NTM: variants seen among roughly 807,000 people sequenced by gnomAD.
The protein encoded by NTM is IgLON family member 2.
A neutral mutation model predicts 42.1 loss-of-function variants in NTM; 13 were observed. The ratio of observed to expected loss-of-function variants is 0.31; its 90% CI spans 0.20 to 0.49. The LOEUF (loss-of-function observed/expected upper bound fraction) is 0.49, where lower values mean the gene tolerates loss of function less well. Ranked by LOEUF, NTM falls within the 20% of genes least tolerant of loss-of-function variation. The pLI is 0.99. For missense variants in NTM, 373 were observed against 452.8 expected (o/e 0.82, Z 1.60); for synonymous variants, 187 against 179.2 (o/e 1.04, Z -0.35).
chr11:131,953,509 TTA>T (rs1485389582), intron 2 of NTM, among the ~76,000 whole-genome samples: 3 of 152,194 alleles, frequency 2.0e-5, no homozygotes, highest in African/African-American at 4.8e-5. Context: ...AGCATTAAAA[TTA>T]TATTAAAATA....
chr11:131,618,874 C>T (rs1170044851), intron 1 of NTM, among the ~76,000 whole-genome samples: 1 of 152,084 alleles, frequency 6.6e-6, no homozygotes, highest in Non-Finnish European at 1.5e-5. Context: ...TTTACGCCAC[C>T]AATGCAAGAT....
At chr11:131,871,100 C>A (rs2047734032) in intron 1 of NTM, among the ~76,000 whole-genome samples, 1 of 152,186 alleles carries the variant, frequency 6.6e-6, no homozygotes, top group Non-Finnish European at 1.5e-5. Flanking sequence ...TTATCTGTTG[C>A]TGCACATGCA....
intron 1 of NTM, among the ~76,000 whole-genome samples, chr11:131,595,765 T>C (rs2137334437): frequency 6.6e-6 from 1 of 152,292 alleles, no homozygotes; most frequent in East Asian, 1.9e-4. Context: ...TTTGGAAAAT[T>C]AGAGGGATTT....
intron 2 of NTM, among the ~76,000 whole-genome samples, chr11:132,026,083 C>T (rs1477904780): frequency 6.6e-6 from 1 of 152,104 alleles, no homozygotes; most frequent in Non-Finnish European, 1.5e-5. Flanking sequence ...AATTAATGAG[C>T]ACAGAGTGTT....
At chr11:131,817,529 C>A (rs1243792818) in intron 1 of NTM, among the ~76,000 whole-genome samples, 1 of 152,206 alleles carries the variant, frequency 6.6e-6, no homozygotes, top group Non-Finnish European at 1.5e-5. Context: ...CCTCTCCCAG[C>A]AGATTCACTG....
intron 4 of NTM, among the ~76,000 whole-genome samples, chr11:132,236,783 C>T (rs1196725657): frequency 1.3e-5 from 2 of 152,204 alleles, no homozygotes; most frequent in East Asian, 3.9e-4. Context: ...AGTCTAATCT[C>T]CCGGCATGGA....
At chr11:131,593,125 C>T (rs1457432084) in intron 1 of NTM, among the ~76,000 whole-genome samples, 1 of 152,170 alleles carries the variant, frequency 6.6e-6, no homozygotes, top group African/African-American at 2.4e-5. Flanking sequence ...ATTTATTTCT[C>T]ATTCTCTCCC....
At chr11:132,224,222 C>T (rs1181328206) in intron 4 of NTM, among the ~76,000 whole-genome samples, 2 of 152,064 alleles carry the variant, frequency 1.3e-5, no homozygotes, top group Non-Finnish European at 2.9e-5. Context: ...AGAAAGCTAC[C>T]GAGGAGGCAC....
chr11:131,987,378 C>CCTATTTTATT (rs1555206526), intron 2 of NTM, among the ~76,000 whole-genome samples: 44 of 147,914 alleles, frequency 3.0e-4, no homozygotes, highest in African/African-American at 1.1e-3. Flanking sequence ...TCCTATTCCT[C>CCTATTTTATT]CTATTCTATT....
intron 1 of NTM, among the ~76,000 whole-genome samples, chr11:131,661,768 TC>T (rs1279147865): frequency 1.3e-5 from 2 of 152,248 alleles, no homozygotes; most frequent in African/African-American, 4.8e-5. Context: ...CTCTTTTTTT[TC>T]CCCCTGTGAG....
rs147562312 is a variant in NTM, at chr11:131,528,140, T to A, written c.82+157252T>A. 1.6e-4 allele frequency among the ~76,000 whole-genome samples: 25 copies of A among 152,326 alleles called. No individual in the cohort carries two copies. The East Asian group carries it at 4.8e-3, about 29-fold the overall frequency. Reference sequence around the variant, plus strand: ...ATAAGGTGTAACTTTCACCTCTCTATCTTTATGCTTGTTTTCATTTTGTCT... The same window carrying A: ...ATAAGGTGTAACTTTCACCTCTCTAACTTTATGCTTGTTTTCATTTTGTCT... On this transcript the variant is annotated intron_variant, in intron 1 of 8. Transcript: ENST00000683400.
At chr11:132,044,828 A>C (rs1209092041) in intron 2 of NTM, among the ~76,000 whole-genome samples, 3 of 152,188 alleles carry the variant, frequency 2.0e-5, no homozygotes, top group Admixed American at 2.0e-4. Flanking sequence ...AGACTGAACC[A>C]GGAAGAAATT....
chr11:131,571,635 A>G (rs1306354757), intron 1 of NTM, among the ~76,000 whole-genome samples: 1 of 152,224 alleles, frequency 6.6e-6, no homozygotes, highest in African/African-American at 2.4e-5. Flanking sequence ...CTGAGCTGGA[A>G]AAACGTTGTG....
chr11:131,692,927 G>A (rs1011553226), intron 1 of NTM, among the ~76,000 whole-genome samples: 1 of 152,210 alleles, frequency 6.6e-6, no homozygotes, highest in East Asian at 1.9e-4. Flanking sequence ...GAAATCGCAC[G>A]GCAGGTCATT....
intron 2 of NTM, among the ~76,000 whole-genome samples, chr11:132,087,519 C>T (rs1399318871): frequency 6.6e-6 from 1 of 152,046 alleles, no homozygotes. Flanking sequence ...AAGGAGGTGC[C>T]TGGTCTCATC....
chr11:131,831,948 A>G (rs140619311), intron 1 of NTM, among the ~76,000 whole-genome samples: 1,633 of 147,662 alleles, frequency 0.011, 26 homozygotes, highest in African/African-American at 0.037. Context: ...TATATATATA[A>G]TATATATAAT....
intron 4 of NTM, among the ~76,000 whole-genome samples, chr11:132,260,699 G>T (rs2139529267): frequency 6.6e-6 from 1 of 152,330 alleles, no homozygotes; most frequent in East Asian, 1.9e-4. Flanking sequence ...AAACTGGCTT[G>T]TTCTGGCTGA....
chr11:131,953,862 G>T (rs1028491619), intron 2 of NTM, among the ~76,000 whole-genome samples: 4 of 152,168 alleles, frequency 2.6e-5, no homozygotes, highest in African/African-American at 4.8e-5. Context: ...AGAGATAAAT[G>T]GTTTGCCATG....
intron 1 of NTM, among the ~76,000 whole-genome samples, chr11:131,570,186 A>G (rs1365477163): frequency 6.6e-6 from 1 of 152,242 alleles, no homozygotes; most frequent in Non-Finnish European, 1.5e-5. Flanking sequence ...TTGAAAAGGC[A>G]GATTCTTGGA....
Sources: gnomAD v4.1 joint callset for allele counts (sites outside exome capture counted in the v4.1 genomes callset) on GRCh38, gnomAD v4.1.1 for gene constraint, MANE v1.5 for transcripts, NCBI Gene and HGNC (gene_info 2026-07-23, HGNC 2026-07-21) for gene names.